TRPM3: variants seen among roughly 807,000 people sequenced by gnomAD.
TRPM3 encodes long transient receptor potential channel 3.
In TRPM3, 77 loss-of-function variants were observed where a neutral mutation model predicts 181.2. The observed-to-expected ratio is 0.42, with a 90% CI of 0.35 to 0.51. The LOEUF (loss-of-function observed/expected upper bound fraction) is 0.51. Among genes scored for constraint, TRPM3 ranks in the 20% least tolerant of loss-of-function variants. The probability of loss-of-function intolerance (pLI) is 0.01; values close to 1 mark genes in which losing one functional copy is unlikely to be tolerated. For synonymous variants in TRPM3, 745 were observed against 796.4 expected (o/e 0.94, Z 1.09); for missense variants, 1,759 against 2,196.7 (o/e 0.80, Z 3.98).
intron 22 of TRPM3, among the ~76,000 whole-genome samples, chr9:70,584,478 A>G (rs1183424138): frequency 1.3e-5 from 2 of 152,192 alleles, no homozygotes; most frequent in Non-Finnish European, 2.9e-5. Context: ...AACAACTTCA[A>G]TATCTGTATT....
chr9:70,577,853 T>C (rs556748818), intron 22 of TRPM3, among the ~76,000 whole-genome samples: 50 of 152,344 alleles, frequency 3.3e-4, no homozygotes, highest in African/African-American at 8.4e-4. Context: ...CCATATATAG[T>C]TCCTTCGGTG....
At chr9:70,894,788 A>G (rs1372942365) in intron 1 of TRPM3, among the ~76,000 whole-genome samples, 1 of 152,202 alleles carries the variant, frequency 6.6e-6, no homozygotes, top group East Asian at 1.9e-4. Context: ...TCATAACAAC[A>G]TCACTTAGTT....
chr9:70,803,009 C>G (rs957913318), intron 6 of TRPM3, among the ~76,000 whole-genome samples: 3 of 83,450 alleles, frequency 3.6e-5, no homozygotes, highest in Non-Finnish European at 7.0e-5. Flanking sequence ...TGCTAGAAAA[C>G]AGAACTTGCC....
chr9:71,402,152 C>A (rs533562723), intron 1 of TRPM3, among the ~76,000 whole-genome samples: 1 of 152,310 alleles, frequency 6.6e-6, no homozygotes, highest in African/African-American at 2.4e-5. Context: ...CAGCCTGGCA[C>A]TTTGCTGCTT....
chr9:70,615,040 A>G (rs2062575227), intron 18 of TRPM3, among the ~76,000 whole-genome samples: 1 of 152,228 alleles, frequency 6.6e-6, no homozygotes, highest in South Asian at 2.1e-4. Context: ...CTGGAAGCAA[A>G]TATTGTTTAC....
intron 1 of TRPM3, among the ~76,000 whole-genome samples, chr9:71,302,188 AT>A (rs1318811455): frequency 6.6e-6 from 1 of 152,138 alleles, no homozygotes; most frequent in Non-Finnish European, 1.5e-5. Flanking sequence ...TTGAAAAAAA[AT>A]CAACTGTAGT....
intron 1 of TRPM3, among the ~76,000 whole-genome samples, chr9:71,065,944 C>T (rs2061865043): frequency 6.6e-6 from 1 of 152,038 alleles, no homozygotes; most frequent in Non-Finnish European, 1.5e-5. Context: ...GATCAAAAAT[C>T]CAACAAATGC....
Position 70,831,866 on chromosome 9 carries a change from C to G in TRPM3, c.802-3848G>C, listed in dbSNP as rs564412725. On this transcript the variant is annotated intron_variant, in intron 5 of 25. Transcript: ENST00000677713. ...GAATGTAACTGAATTATTTGTAACT[C>G]AAAGGATAAATGCTTGAGGGAATGA... 2.0e-5 allele frequency among the ~76,000 whole-genome samples: 3 copies of G among 149,098 alleles called. No homozygotes were observed. The East Asian group carries it at 6.0e-4, about 30-fold the overall frequency.
At chr9:70,788,622 T>C (rs985250403) in intron 6 of TRPM3, among the ~76,000 whole-genome samples, 3 of 152,134 alleles carry the variant, frequency 2.0e-5, no homozygotes, top group African/African-American at 7.2e-5. Context: ...ATTGCATTTA[T>C]TATGCACTTT....
At chr9:70,583,492 G>T (rs2056455358) in intron 22 of TRPM3, among the ~76,000 whole-genome samples, 1 of 152,186 alleles carries the variant, frequency 6.6e-6, no homozygotes, top group Non-Finnish European at 1.5e-5. Context: ...GGCTGAAAAT[G>T]GTCAAGATGG....
chr9:71,180,455 A>C (rs568299712), intron 1 of TRPM3, among the ~76,000 whole-genome samples: 3 of 152,142 alleles, frequency 2.0e-5, no homozygotes, highest in East Asian at 3.9e-4. Flanking sequence ...CTAAGAATCC[A>C]TTTTTAGGAG....
At chr9:70,539,720 A>G (rs2131624895) in intron 25 of TRPM3, among the ~76,000 whole-genome samples, 1 of 152,286 alleles carries the variant, frequency 6.6e-6, no homozygotes, top group South Asian at 2.1e-4. Context: ...AATTACTTAC[A>G]ATAACAAGTT....
At chr9:71,444,815 C>T (rs10869023) in intron 1 of TRPM3, among the ~76,000 whole-genome samples, 13,301 of 152,212 alleles carry the variant, frequency 0.087, 715 homozygotes, top group African/African-American at 0.15. Flanking sequence ...ATTTACAAAA[C>T]CTCACTATCT....
At chr9:70,612,924 G>A (rs926718611) in intron 18 of TRPM3, among the ~76,000 whole-genome samples, 6 of 152,200 alleles carry the variant, frequency 3.9e-5, no homozygotes, top group African/African-American at 1.2e-4. Context: ...ATCTTGGAGA[G>A]TGGCATTTTG....
intron 1 of TRPM3, among the ~76,000 whole-genome samples, chr9:71,276,646 T>C (rs1396043466): frequency 6.6e-6 from 1 of 152,176 alleles, no homozygotes; most frequent in Non-Finnish European, 1.5e-5. Context: ...AATATAAATA[T>C]GGAATAATAT....
chr9:71,275,935 G>A (rs946209669), intron 1 of TRPM3, among the ~76,000 whole-genome samples: 8 of 151,006 alleles, frequency 5.3e-5, no homozygotes, highest in Admixed American at 1.3e-4. Flanking sequence ...TCCACCTCCC[G>A]GGTTCACGCC....
rs986595926 is a variant in TRPM3, at chr9:71,142,900, C to T, written c.184-278389G>A. Among the ~76,000 whole-genome samples, 3 of 150,946 alleles carry T rather than the reference C, an allele frequency of 2.0e-5. No individual in the cohort carries two copies. In the East Asian group the frequency reaches 5.9e-4, roughly 30 times the overall value. ...CAGCGAGGCAGGAGAATCACTTGAGCCCAGGAGTTTGAGACCATCCTGGGA... is the reference window on the plus strand; with the variant it reads ...CAGCGAGGCAGGAGAATCACTTGAGTCCAGGAGTTTGAGACCATCCTGGGA... On this transcript the variant is annotated intron_variant, in intron 1 of 24. Coordinates refer to the TRPM3 transcript ENST00000357533.
chr9:70,915,091 CT>C (rs1320760179), intron 1 of TRPM3, among the ~76,000 whole-genome samples: 1 of 152,084 alleles, frequency 6.6e-6, no homozygotes, highest in African/African-American at 2.4e-5. Flanking sequence ...AAAACATGGC[CT>C]CATGAAATGA....
At chr9:71,022,094 T>C (rs923182887) in intron 1 of TRPM3, among the ~76,000 whole-genome samples, 1 of 152,114 alleles carries the variant, frequency 6.6e-6, no homozygotes, top group Non-Finnish European at 1.5e-5. Context: ...TAAAGCAAAC[T>C]TGAAAAAGAT....
Sources: allele counts gnomAD v4.1 joint callset (sites outside exome capture counted in the v4.1 genomes callset), GRCh38; gene constraint gnomAD v4.1.1; transcripts MANE v1.5; gene names NCBI Gene and HGNC (gene_info 2026-07-23, HGNC 2026-07-21).